SMARCAL1: variants seen among roughly 807,000 people sequenced by gnomAD.
SMARCAL1 encodes SNF2 related chromatin remodeling annealing helicase 1.
Under a neutral mutation model 94.5 loss-of-function variants are expected in SMARCAL1, and 58 were observed. That is an observed-to-expected ratio of 0.61 (90% CI 0.50 to 0.76). The LOEUF (loss-of-function observed/expected upper bound fraction) is 0.76. Ranked by LOEUF, SMARCAL1 falls within the 30% of genes least tolerant of loss-of-function variation. The pLI, the probability that SMARCAL1 is intolerant of heterozygous loss-of-function variation, is 0.00. For synonymous variants in SMARCAL1, 422 were observed against 455.1 expected, an observed-to-expected ratio of 0.93 and a Z score of 0.93; for missense variants, 1,051 against 1,177.9, an observed-to-expected ratio of 0.89 and a Z score of 1.58.
chr2:216,475,717 C>T lies in SMARCAL1; in HGVS notation c.2427+266C>T, dbSNP rs1041511624. 3.3e-5 allele frequency among the ~76,000 whole-genome samples: 5 copies of T among 152,034 alleles called. No homozygotes were observed. Among genetic ancestry groups the T allele is most frequent in the East Asian group, 1.9e-4 (1 of 5,158 alleles). On this transcript the variant is annotated intron_variant, in intron 15 of 17. Transcript: ENST00000357276. The surrounding 1 kb of genome is among the most constrained non-coding windows in gnomAD (Gnocchi z 4.4). ...GCAACCTCCGCCTCCTGGGTTCAAG[C>T]GATTCCCCTGCCTCAGCCTCCCGAG...
At position 216,478,209 on chromosome 2, in the gene SMARCAL1, G is replaced by A; in HGVS notation, c.2535G>A (p.Leu845=). Residue 845 remains leucine (L), a synonymous_variant, in exon 17 of 18, where the codon CTG becomes CTA. Transcript: ENST00000357276. ...GCTCATTTCTCCCCAACAGGCCCCT[G>A]ATTCAAGAGAAGATTAAAGTTCTGG... ...KGTADDYLWP[L]IQEKIKVLAE... 6.2e-7 allele frequency: 1 copy of A among 1,614,072 alleles called. No individual in the cohort carries two copies. Among genetic ancestry groups the A allele is most frequent in the South Asian group, 1.1e-5 (1 of 91,072 alleles).
chr2:216,465,726 C>T (rs963246260), intron 13 of SMARCAL1, among the ~76,000 whole-genome samples: 5 of 151,842 alleles, frequency 3.3e-5, no homozygotes, highest in African/African-American at 9.7e-5. Flanking sequence ...GATGCTCTGG[C>T]AGGATAATGG....
chr2:216,447,299 C>A, intron 11 of SMARCAL1, 141 bp downstream of exon 11: 2 of 1,085,820 alleles, frequency 1.8e-6, no homozygotes, highest in Non-Finnish European at 2.8e-6. Context: ...CTGTTTCTTA[C>A]TATGGCCTTG....
At chr2:216,439,235 CT>C (rs746058982) in intron 10 of SMARCAL1, among the ~76,000 whole-genome samples, 16 of 152,068 alleles carry the variant, frequency 1.1e-4, no homozygotes, top group Non-Finnish European at 1.9e-4. Context: ...GCAATATAGG[CT>C]CTGTATTTCA....
At chr2:216,434,752 G>T (rs1349055418) in intron 8 of SMARCAL1, among the ~76,000 whole-genome samples, 2 of 152,086 alleles carry the variant, frequency 1.3e-5, no homozygotes, top group African/African-American at 4.8e-5. Flanking sequence ...GGCTGAGGCG[G>T]GAGGATCACT....
chr2:216,424,647 T>C (rs890985168), intron 6 of SMARCAL1, among the ~76,000 whole-genome samples: 5 of 151,996 alleles, frequency 3.3e-5, no homozygotes, highest in Admixed American at 3.3e-4. Context: ...ATTGGGTAAA[T>C]AATTAAACAT....
intron 14 of SMARCAL1, among the ~76,000 whole-genome samples, chr2:216,472,676 G>T (rs960964457): frequency 2.7e-5 from 4 of 149,510 alleles, no homozygotes; most frequent in Admixed American, 2.0e-4. Flanking sequence ...AAAAAAAAGG[G>T]GGCAACCTGT....
intron 7 of SMARCAL1, among the ~76,000 whole-genome samples, chr2:216,432,168 T>G (rs1693978878): frequency 6.6e-6 from 1 of 152,096 alleles, no homozygotes; most frequent in Admixed American, 6.5e-5. Flanking sequence ...ACTACGGGCA[T>G]GTGCCTGTAG....
chr2:216,464,737 T>A, intron 13 of SMARCAL1, 70 bp downstream of exon 13: 1 of 1,062,828 alleles, frequency 9.4e-7, no homozygotes, highest in South Asian at 1.3e-5. Context: ...CTTATTACTT[T>A]ATTCTGCCTG....
At chr2:216,430,149 C>A (rs964202615) in intron 7 of SMARCAL1, among the ~76,000 whole-genome samples, 16 of 152,252 alleles carry the variant, frequency 1.1e-4, no homozygotes, top group African/African-American at 3.1e-4. Flanking sequence ...CGCCCCAGGG[C>A]AGATCTGTTT....
intron 17 of SMARCAL1, among the ~76,000 whole-genome samples, chr2:216,481,115 T>C (rs1695186474): frequency 6.6e-6 from 1 of 152,186 alleles, no homozygotes; most frequent in African/African-American, 2.4e-5. Flanking sequence ...AGGTAGACTA[T>C]AAAAACTAGA....
chr2:216,426,106 C>T (rs941676640), intron 6 of SMARCAL1, among the ~76,000 whole-genome samples: 1 of 152,238 alleles, frequency 6.6e-6, no homozygotes. Flanking sequence ...AAGTGATCCT[C>T]CCACCTTGGC....
chr2:216,452,804 A>G (rs1410295982), intron 12 of SMARCAL1, among the ~76,000 whole-genome samples: 1 of 152,214 alleles, frequency 6.6e-6, no homozygotes, highest in Non-Finnish European at 1.5e-5. Flanking sequence ...CAACTTGTAT[A>G]GTTCTTCAAG....
intron 4 of SMARCAL1, among the ~76,000 whole-genome samples, chr2:216,419,891 G>T (rs1349843591): frequency 6.6e-6 from 1 of 151,710 alleles, no homozygotes; most frequent in Non-Finnish European, 1.5e-5. Context: ...CTAACCGCAT[G>T]TGGTGGTGCA....
intron 13 of SMARCAL1, 42 bp downstream of exon 13, chr2:216,464,709 C>CAAAAAAAAAA: frequency 1.2e-6 from 1 of 813,256 alleles, no homozygotes; most frequent in Middle Eastern, 2.6e-4. Context: ...CTCTCATCTT[C>CAAAAAAAAAA]AAAAAAAAAA....
chr2:216,447,217 T>C (rs1323171529), intron 11 of SMARCAL1, 59 bp downstream of exon 11: 75 of 1,582,442 alleles, frequency 4.7e-5, no homozygotes, highest in Non-Finnish European at 6.2e-5. Flanking sequence ...TTGACACTTA[T>C]CTTTCTCTTC....
chr2:216,478,167 A>G, intron 16 of SMARCAL1, 36 bp from the exon 17 acceptor site: 1 of 1,520,418 alleles, frequency 6.6e-7, no homozygotes, highest in Non-Finnish European at 9.1e-7. Context: ...GGTTCTGTGC[A>G]GGTTGTATTC....
rs1186483648 is a variant in SMARCAL1, at chr2:216,429,516, G to A, written c.1334+734G>A. ...TTGGGAGAAGCAAAATGCCGTATTT[G>A]AACTAGCCTTCTCTTAAAAATATGG... On this transcript the variant is annotated intron_variant, in intron 7 of 17. Coordinates refer to ENST00000357276, the MANE Select transcript of SMARCAL1 (RefSeq NM_014140.4). Among the ~76,000 whole-genome samples, 7 of 152,306 alleles carry A rather than the reference G, an allele frequency of 4.6e-5. No individual in the cohort carries two copies. In the East Asian group the frequency reaches 1.4e-3, roughly 29 times the overall value.
chr2:216,420,209 C>T, intron 4 of SMARCAL1, 90 bp from the exon 5 acceptor site: 1 of 1,041,648 alleles, frequency 9.6e-7, no homozygotes, highest in East Asian at 2.6e-5. Context: ...TGTCCCTTCC[C>T]CACTTTCTCC....
Sources: gnomAD v4.1 joint callset for allele counts (sites outside exome capture counted in the v4.1 genomes callset) on GRCh38, gnomAD v4.1.1 for gene constraint, Gnocchi (gnomAD v3.1) non-coding constraint, MANE v1.5 for transcripts, NCBI Gene and HGNC (gene_info 2026-07-23, HGNC 2026-07-21) for gene names.